STK32B: variants seen among roughly 807,000 people sequenced by gnomAD.
STK32B encodes serine/threonine kinase 32B.
STK32B carries 43 observed loss-of-function variants against 52.6 expected under a neutral mutation model. The ratio of observed to expected loss-of-function variants is 0.82; its 90% CI spans 0.64 to 1.05. The LOEUF (loss-of-function observed/expected upper bound fraction) is 1.05. Ranked by LOEUF, STK32B falls within the 50% of genes least tolerant of loss-of-function variation. The pLI, the probability that STK32B is intolerant of heterozygous loss-of-function variation, is 0.00. For synonymous variants in STK32B, 238 were observed against 204.3 expected, an observed-to-expected ratio of 1.17 and a Z score of -1.41; for missense variants, 621 against 534.6, an observed-to-expected ratio of 1.16 and a Z score of -1.59.
intron 3 of STK32B, among the ~76,000 whole-genome samples, chr4:5,318,904 A>C (rs1409143050): frequency 2.0e-5 from 3 of 151,536 alleles, no homozygotes; most frequent in Non-Finnish European, 4.4e-5. Context: ...GGTTTATGCC[A>C]TTCACCTGCC....
chr4:5,213,440 G>A (rs1021691177), intron 3 of STK32B, among the ~76,000 whole-genome samples: 2 of 152,174 alleles, frequency 1.3e-5, no homozygotes, highest in Admixed American at 6.5e-5. Flanking sequence ...TGTTGGGATT[G>A]GAGCCTAATA....
chr4:5,263,385 G>A (rs993456918), intron 3 of STK32B, among the ~76,000 whole-genome samples: 2 of 152,182 alleles, frequency 1.3e-5, no homozygotes, highest in African/African-American at 4.8e-5. Flanking sequence ...CACAGCAGGG[G>A]TGTCATCCCA....
intron 3 of STK32B, among the ~76,000 whole-genome samples, chr4:5,245,990 T>G (rs556188858): frequency 3.9e-5 from 6 of 152,296 alleles, no homozygotes; most frequent in South Asian, 4.1e-4. Flanking sequence ...ACCTTTCTCT[T>G]TGGCTGCCCT....
At chr4:5,323,703 G>A (rs2108942742) in intron 3 of STK32B, among the ~76,000 whole-genome samples, 1 of 152,300 alleles carries the variant, frequency 6.6e-6, no homozygotes, top group East Asian at 1.9e-4. Flanking sequence ...GGTGTTTCAG[G>A]CGTTTGTGGC....
intron 3 of STK32B, among the ~76,000 whole-genome samples, chr4:5,272,056 T>C (rs1203549693): frequency 1.4e-5 from 2 of 147,840 alleles, no homozygotes; most frequent in East Asian, 2.0e-4. Flanking sequence ...ATAGGAGTGG[T>C]GAGAGAGGGC....
chr4:5,496,106 A>C (rs1377862297), intron 11 of STK32B, among the ~76,000 whole-genome samples: 3 of 152,170 alleles, frequency 2.0e-5, no homozygotes, highest in Admixed American at 6.5e-5. Flanking sequence ...CTCTCTTCAA[A>C]GCTGTCAGAC....
chr4:5,168,326 A>G lies in STK32B; in HGVS notation c.136A>G (p.Lys46Glu). ...KVCIVQKRDTKKMYAMKYMNK... is the reference protein window; with the variant it reads ...KVCIVQKRDTEKMYAMKYMNK... ...ATGCATCGTGCAGAAGCGAGACACT[A>G]AGAAAATGTATGCAATGAAGTACAT... Residue 46 changes from lysine to glutamate, a missense_variant, in exon 3 of 12, where the codon AAG (lysine) becomes GAG (glutamate). Physicochemically the swap from Lys to Glu is moderately conservative, Grantham distance 56 (BLOSUM62 1). Transcript: ENST00000282908. The G allele has an allele frequency of 6.2e-7, 1 of 1,613,902 alleles. No homozygotes were observed.
intron 2 of STK32B, among the ~76,000 whole-genome samples, chr4:5,163,545 TGTGTGTGTGTGTGTGTGTGTGTGTGTG>T (rs1718617898): frequency 3.8e-5 from 2 of 53,282 alleles, no homozygotes; most frequent in East Asian, 2.8e-3. Flanking sequence ...AGGCTGTGTG[TGTGTGTGTGTGTGTGTGTGTGTGTGTG>T]TGTGTGTGTA....
At chr4:5,447,509 G>T (rs1056753660) in intron 7 of STK32B, among the ~76,000 whole-genome samples, 5 of 152,036 alleles carry the variant, frequency 3.3e-5, no homozygotes, top group African/African-American at 9.7e-5. Flanking sequence ...GGTGGCACTC[G>T]CTTGTAGTCT....
At chr4:5,492,688 T>C (rs1292614861) in intron 11 of STK32B, among the ~76,000 whole-genome samples, 1 of 151,164 alleles carries the variant, frequency 6.6e-6, no homozygotes, top group East Asian at 1.9e-4. Flanking sequence ...TTTTTGCCCA[T>C]TCAGTATGAT....
chr4:5,088,515 C>T (rs1218491765), intron 1 of STK32B, among the ~76,000 whole-genome samples: 1 of 152,004 alleles, frequency 6.6e-6, no homozygotes, highest in Non-Finnish European at 1.5e-5. Flanking sequence ...TCCCATTCTC[C>T]ATGATGTGAT....
chr4:5,073,442 A>G (rs1028437845), intron 1 of STK32B, among the ~76,000 whole-genome samples: 36 of 151,970 alleles, frequency 2.4e-4, no homozygotes, highest in African/African-American at 7.7e-4. Context: ...TTATTTTGTA[A>G]TATATCTTTA....
intron 6 of STK32B, among the ~76,000 whole-genome samples, chr4:5,437,651 A>G (rs966191746): frequency 2.0e-5 from 3 of 152,238 alleles, no homozygotes; most frequent in Non-Finnish European, 2.9e-5. Flanking sequence ...TCGGCCCACT[A>G]CATCTCCAAA....
intron 3 of STK32B, among the ~76,000 whole-genome samples, chr4:5,276,663 G>A (rs1275430394): frequency 1.3e-5 from 2 of 152,038 alleles, no homozygotes; most frequent in Non-Finnish European, 2.9e-5. Flanking sequence ...GGCGTCACGT[G>A]TTACGAACTG....
At chr4:5,238,294 T>C (rs1376258539) in intron 3 of STK32B, among the ~76,000 whole-genome samples, 1 of 152,102 alleles carries the variant, frequency 6.6e-6, no homozygotes, top group Non-Finnish European at 1.5e-5. Context: ...TAGGAATTCC[T>C]TGGCTTGTGA....
intron 4 of STK32B, among the ~76,000 whole-genome samples, chr4:5,342,167 A>T (rs910190899): frequency 2.6e-5 from 4 of 152,192 alleles, no homozygotes; most frequent in Non-Finnish European, 1.5e-5. Context: ...AGAACTAGAA[A>T]CACCACTGGG....
At chr4:5,101,816 T>C (rs1044658263) in intron 1 of STK32B, among the ~76,000 whole-genome samples, 2 of 152,220 alleles carry the variant, frequency 1.3e-5, no homozygotes, top group African/African-American at 4.8e-5. Context: ...AAACGCATCC[T>C]GTCAGTAAAA....
chr4:5,065,545 C>T (rs1186242814), intron 1 of STK32B, among the ~76,000 whole-genome samples: 2 of 152,122 alleles, frequency 1.3e-5, no homozygotes, highest in Non-Finnish European at 2.9e-5. Context: ...GAAGAAAAGT[C>T]CTTCTTCTCA....
At chr4:5,059,726 G>C (rs1443033825) in intron 1 of STK32B, among the ~76,000 whole-genome samples, 1 of 152,156 alleles carries the variant, frequency 6.6e-6, no homozygotes, top group Non-Finnish European at 1.5e-5. Flanking sequence ...TTAAATATCA[G>C]AATAGAACTA....
Sources: allele counts gnomAD v4.1 joint callset (sites outside exome capture counted in the v4.1 genomes callset), GRCh38; gene constraint gnomAD v4.1.1; transcripts MANE v1.5; gene names NCBI Gene and HGNC (gene_info 2026-07-23, HGNC 2026-07-21).